FYN: variants seen among roughly 807,000 people sequenced by gnomAD.
FYN encodes tyrosine-protein kinase Fyn.
Under a neutral mutation model 70.2 loss-of-function variants are expected in FYN, and 10 were observed. The observed-to-expected ratio is 0.14, with a 90% CI of 0.09 to 0.24. The LOEUF is 0.24. Ranked by LOEUF, FYN falls within the 10% of genes least tolerant of loss-of-function variation. FYN has a pLI of 1.00. For missense variants in FYN, 319 were observed against 673.1 expected (o/e 0.47, Z 5.82); for synonymous variants, 236 against 248.6 (o/e 0.95, Z 0.48).
At chr6:111,662,943 A>G (rs773375687) in intron 13 of FYN, among the ~76,000 whole-genome samples, 1 of 152,232 alleles carries the variant, frequency 6.6e-6, no homozygotes, top group Non-Finnish European at 1.5e-5. Context: ...ACTGGGCTGC[A>G]TAGCACTAAC....
chr6:111,716,764 T>C (rs1487740098), intron 4 of FYN, among the ~76,000 whole-genome samples: 1 of 151,716 alleles, frequency 6.6e-6, no homozygotes, highest in Non-Finnish European at 1.5e-5. Context: ...TAGAGATATC[T>C]ATATGATCAA....
chr6:111,835,339 A>G (rs1183887045), intron 2 of FYN, among the ~76,000 whole-genome samples: 2 of 152,248 alleles, frequency 1.3e-5, no homozygotes, highest in African/African-American at 4.8e-5. Context: ...CACTTTAATG[A>G]CCCTATTTTC....
intron 2 of FYN, among the ~76,000 whole-genome samples, chr6:111,795,720 C>T (rs1429546166): frequency 6.6e-6 from 1 of 152,148 alleles, no homozygotes; most frequent in Non-Finnish European, 1.5e-5. Flanking sequence ...ACATATTAGG[C>T]ACTTTGCATA....
chr6:111,779,121 A>ATTTTTTT (rs397934539), intron 3 of FYN, among the ~76,000 whole-genome samples: 16 of 91,520 alleles, frequency 1.7e-4, no homozygotes, highest in Admixed American at 2.8e-4. Flanking sequence ...AGTAGGAGAC[A>ATTTTTTT]TTTTTTTTTT....
At chr6:111,824,030 CA>C (rs1486689025) in intron 2 of FYN, among the ~76,000 whole-genome samples, 1 of 152,168 alleles carries the variant, frequency 6.6e-6, no homozygotes, top group Admixed American at 6.5e-5. Context: ...ATAGAATACT[CA>C]GAAGTCAAAT....
rs557376047 is a variant in FYN at position 111,856,621 on chromosome 6, CAT to C, written c.-122-9994_-122-9993del. On this transcript the variant is annotated intron_variant, in intron 1 of 13. Coordinates refer to ENST00000354650, the MANE Select transcript of FYN (RefSeq NM_002037.5). ...GAAGAGAACTATTTTATAGGTCTAA[CAT>C]ATTTTTAAAATGTCAGTTAATAAAT... is the stretch of plus-strand genomic sequence containing the variant. 1.6e-3 allele frequency among the ~76,000 whole-genome samples: 248 copies of C among 152,106 alleles called. 1 individual carries two copies. Among genetic ancestry groups the C allele is most frequent in the African/African-American group, 5.7e-3 (236 of 41,508 alleles).
In FYN at chr6:111,763,908, T is replaced by C. The variant is rs1285688174; in HGVS notation, c.-12+16658A>G. Among the ~76,000 whole-genome samples the C allele has an allele frequency of 2.6e-5, 4 of 152,074 alleles. No homozygotes were observed. The East Asian group carries it at 7.7e-4, about 29-fold the overall frequency. ...GCCTATGGGTGCTGTGCAGATTAAA[T>C]GCAATAAGGTGTGGGAAGTGCCTTG... On this transcript the variant is annotated intron_variant, in intron 3 of 13. Transcript: ENST00000354650.
At chr6:111,713,897 T>C (rs1030329516) in intron 5 of FYN, among the ~76,000 whole-genome samples, 1 of 152,216 alleles carries the variant, frequency 6.6e-6, no homozygotes, top group Non-Finnish European at 1.5e-5. Flanking sequence ...GTTTAGCAGT[T>C]TATAAAATAA....
At chr6:111,710,019 T>C (rs1329869928) in intron 5 of FYN, among the ~76,000 whole-genome samples, 1 of 152,174 alleles carries the variant, frequency 6.6e-6, no homozygotes, top group Admixed American at 6.5e-5. Context: ...GGAGACATAA[T>C]CTTCACTTTA....
At chr6:111,860,201 C>T (rs1188869643) in intron 1 of FYN, among the ~76,000 whole-genome samples, 1 of 152,178 alleles carries the variant, frequency 6.6e-6, no homozygotes, top group African/African-American at 2.4e-5. Context: ...TTATGGCAGT[C>T]CCGGGAAACC....
chr6:111,760,362 A>C (rs1437776465), intron 3 of FYN, among the ~76,000 whole-genome samples: 1 of 152,092 alleles, frequency 6.6e-6, no homozygotes, highest in Non-Finnish European at 1.5e-5. Flanking sequence ...ATTTAAGGAA[A>C]CCCAACTACT....
At chr6:111,833,823 C>T (rs1237820133) in intron 2 of FYN, among the ~76,000 whole-genome samples, 1 of 152,162 alleles carries the variant, frequency 6.6e-6, no homozygotes, top group Non-Finnish European at 1.5e-5. Flanking sequence ...AAATTCTTCC[C>T]TTAGGCACCC....
intron 3 of FYN, among the ~76,000 whole-genome samples, chr6:111,743,220 C>G (rs1172479449): frequency 6.6e-6 from 1 of 152,140 alleles, no homozygotes; most frequent in Non-Finnish European, 1.5e-5. Context: ...CCACCTTGGT[C>G]TCCCAAAGTG....
intron 2 of FYN, among the ~76,000 whole-genome samples, chr6:111,808,671 C>T (rs533384334): frequency 6.6e-6 from 1 of 152,124 alleles, no homozygotes; most frequent in African/African-American, 2.4e-5. Context: ...AGGAGTATGA[C>T]GAAGACGCCA....
chr6:111,691,998 G>C (rs1440750471), intron 12 of FYN, among the ~76,000 whole-genome samples: 1 of 151,998 alleles, frequency 6.6e-6, no homozygotes, highest in African/African-American at 2.4e-5. Context: ...GCACTTGGAA[G>C]GTGTTTTATA....
intron 1 of FYN, among the ~76,000 whole-genome samples, chr6:111,862,513 CA>C (rs1379436189): frequency 6.6e-6 from 1 of 152,102 alleles, no homozygotes; most frequent in African/African-American, 2.4e-5. Context: ...CTGCATGTTC[CA>C]GTGCCTTACC....
At chr6:111,822,781 A>G (rs1274727016) in intron 2 of FYN, among the ~76,000 whole-genome samples, 1 of 152,196 alleles carries the variant, frequency 6.6e-6, no homozygotes, top group African/African-American at 2.4e-5. Context: ...AAGGAAATGC[A>G]AGAGAGAGTA....
At chr6:111,790,505 T>C (rs1771578412) in intron 2 of FYN, among the ~76,000 whole-genome samples, 2 of 152,098 alleles carry the variant, frequency 1.3e-5, no homozygotes, top group African/African-American at 4.8e-5. Flanking sequence ...CTCACATCTC[T>C]TCCAGCCCAC....
intron 2 of FYN, among the ~76,000 whole-genome samples, chr6:111,846,330 C>T (rs1773526593): frequency 6.6e-6 from 1 of 152,110 alleles, no homozygotes; most frequent in African/African-American, 2.4e-5. Flanking sequence ...AACTTATAGT[C>T]AAAACATATG....
Sources: allele counts gnomAD v4.1 joint callset (sites outside exome capture counted in the v4.1 genomes callset), GRCh38; gene constraint gnomAD v4.1.1; transcripts MANE v1.5; gene names NCBI Gene and HGNC (gene_info 2026-07-23, HGNC 2026-07-21).